Variants in MATN2 observed in about 807,000 individuals in gnomAD.
MATN2 encodes the protein matrilin 2.
A neutral mutation model predicts 103.2 loss-of-function variants in MATN2; 69 were observed. The observed-to-expected ratio is 0.67, with a 90% CI of 0.55 to 0.82. The LOEUF (loss-of-function observed/expected upper bound fraction) is 0.82, where lower values mean the gene tolerates loss of function less well. Among genes scored for constraint, MATN2 ranks in the 40% least tolerant of loss-of-function variants. The pLI, the probability that MATN2 is intolerant of heterozygous loss-of-function variation, is 0.00. For missense variants in MATN2, 1,023 were observed against 1,211.5 expected (o/e 0.84, Z 2.31); for synonymous variants, 429 against 450.2 (o/e 0.95, Z 0.60).
chr8:97,937,514 A>G (rs1014905498), intron 3 of MATN2, among the ~76,000 whole-genome samples: 1 of 151,722 alleles, frequency 6.6e-6, no homozygotes, highest in Non-Finnish European at 1.5e-5. Flanking sequence ...TGGCCAAAAT[A>G]AGCCTTAGTA....
intron 1 of MATN2, among the ~76,000 whole-genome samples, chr8:97,875,690 GTTTTTTTT>G (rs763539274): frequency 1.2e-5 from 1 of 82,034 alleles, no homozygotes; most frequent in African/African-American, 5.4e-5. Flanking sequence ...GTATTTGCCT[GTTTTTTTT>G]TTTTTTTTTT....
chr8:97,935,632 G>A (rs1810347413), intron 3 of MATN2, among the ~76,000 whole-genome samples: 1 of 152,116 alleles, frequency 6.6e-6, no homozygotes, highest in African/African-American at 2.4e-5. Flanking sequence ...GACTACAGGT[G>A]TGCGCCGCCA....
intron 3 of MATN2, among the ~76,000 whole-genome samples, chr8:97,933,780 T>TCACTG (rs1177986638): frequency 6.6e-6 from 1 of 152,130 alleles, no homozygotes; most frequent in East Asian, 1.9e-4. Context: ...CTGCTGTCTC[T>TCACTG]CACTGCACTG....
chr8:97,913,081 C>T (rs935656957), intron 2 of MATN2, among the ~76,000 whole-genome samples: 3 of 152,106 alleles, frequency 2.0e-5, no homozygotes, highest in Non-Finnish European at 4.4e-5. Context: ...GTCTGGCTGC[C>T]GCAACTAACT....
chr8:97,885,493 A>C (rs990042989), intron 1 of MATN2, among the ~76,000 whole-genome samples: 3 of 152,056 alleles, frequency 2.0e-5, no homozygotes, highest in Non-Finnish European at 4.4e-5. Flanking sequence ...ACTAACAAAA[A>C]CCCTGAGATG....
intron 13 of MATN2, among the ~76,000 whole-genome samples, chr8:98,026,255 T>G (rs1008578440): frequency 4.1e-5 from 6 of 145,130 alleles, no homozygotes; most frequent in African/African-American, 1.5e-4. Context: ...TTTTTAATTT[T>G]GTTTTTTTTT....
intron 10 of MATN2, among the ~76,000 whole-genome samples, chr8:98,008,512 T>C (rs1195566829): frequency 1.3e-5 from 2 of 152,214 alleles, no homozygotes; most frequent in Non-Finnish European, 2.9e-5. Flanking sequence ...TCTAGGCAGA[T>C]GAGCTGGCTG....
At chr8:97,908,099 T>C (rs773855975) in intron 2 of MATN2, among the ~76,000 whole-genome samples, 3 of 152,188 alleles carry the variant, frequency 2.0e-5, no homozygotes, top group Non-Finnish European at 4.4e-5. Context: ...CTGTAATCAC[T>C]GTGCCTGCTC....
At chr8:97,987,011 T>TG (rs578059235) in intron 6 of MATN2, among the ~76,000 whole-genome samples, 68 of 151,948 alleles carry the variant, frequency 4.5e-4, no homozygotes, top group African/African-American at 1.6e-3. Context: ...TTTTTTTTTT[T>TG]TTTGTATTTT....
intron 5 of MATN2, among the ~76,000 whole-genome samples, chr8:97,977,782 A>T (rs1170839524): frequency 6.6e-6 from 1 of 151,904 alleles, no homozygotes; most frequent in Non-Finnish European, 1.5e-5. Context: ...CTCTTTGCTG[A>T]TCCTCCAGCC....
intron 5 of MATN2, among the ~76,000 whole-genome samples, chr8:97,977,246 A>AG (rs1379563195): frequency 1.8e-4 from 27 of 148,790 alleles, no homozygotes; most frequent in African/African-American, 6.3e-4. Context: ...AAAAAAAAAA[A>AG]AAAAAAAAAA....
Position 97,931,238 on chromosome 8 carries a change from C to T in MATN2, c.428C>T (p.Ala143Val). 1 of 1,613,864 alleles carries T rather than the reference C, an allele frequency of 6.2e-7. No homozygotes were observed. The highest frequency in any genetic ancestry group is 8.5e-7 in the Non-Finnish European group (1 of 1,179,850). Reference sequence around the variant, plus strand: ...ATGACTGGGCTGGCCATCCAGTATGCCCTGAACATCGCATTCTCAGAAGCA... The same window carrying T: ...ATGACTGGGCTGGCCATCCAGTATGTCCTGAACATCGCATTCTCAGAAGCA... ...GTMTGLAIQY[A>V]LNIAFSEAEG... The change falls in exon 3 of 19, where the codon GCC becomes GTC. Residue 143 changes from alanine to valine, a missense_variant. By Grantham distance (64) the Ala-to-Val change is moderately conservative (BLOSUM62 0). Coordinates refer to ENST00000254898, the MANE Select transcript of MATN2 (RefSeq NM_002380.5). The surrounding 1 kb of genome is among the most constrained non-coding windows in gnomAD (Gnocchi z 4.1).
chr8:97,911,871 T>TAAC (rs1809453843), intron 2 of MATN2, among the ~76,000 whole-genome samples: 2 of 152,228 alleles, frequency 1.3e-5, no homozygotes, highest in Admixed American at 1.3e-4. Flanking sequence ...GGAATAATAA[T>TAAC]AACAACAATA....
intron 2 of MATN2, among the ~76,000 whole-genome samples, chr8:97,914,015 T>C (rs1316094445): frequency 6.6e-6 from 1 of 152,202 alleles, no homozygotes; most frequent in Admixed American, 6.5e-5. Context: ...AACTATTTGC[T>C]CCACCATCTG....
intron 1 of MATN2, among the ~76,000 whole-genome samples, chr8:97,879,812 C>T (rs1413848146): frequency 3.3e-5 from 5 of 152,166 alleles, no homozygotes; most frequent in Admixed American, 1.3e-4. Flanking sequence ...GTCAACATCG[C>T]GGAGAACTGA....
chr8:97,970,591 G>C (rs973200126), intron 5 of MATN2, among the ~76,000 whole-genome samples: 3 of 152,202 alleles, frequency 2.0e-5, no homozygotes, highest in African/African-American at 7.2e-5. Context: ...GAAGGCTTCA[G>C]TCAGGTGCCA....
chr8:97,940,467 C>T (rs1810516305), intron 3 of MATN2, among the ~76,000 whole-genome samples: 1 of 152,126 alleles, frequency 6.6e-6, no homozygotes, highest in Non-Finnish European at 1.5e-5. Context: ...CAGAACAGTA[C>T]ATTCTAAATT....
intron 4 of MATN2, among the ~76,000 whole-genome samples, chr8:97,946,263 A>G (rs1375389184): frequency 1.3e-5 from 2 of 152,200 alleles, no homozygotes; most frequent in Non-Finnish European, 2.9e-5. Context: ...CAAATGCATT[A>G]AAGAATTTTA....
intron 4 of MATN2, among the ~76,000 whole-genome samples, chr8:97,960,707 A>C (rs894716073): frequency 6.6e-6 from 1 of 152,200 alleles, no homozygotes; most frequent in South Asian, 2.1e-4. Context: ...GTTTTCAAAG[A>C]GCTTTGTCTC....
Sources: allele counts gnomAD v4.1 joint callset (sites outside exome capture counted in the v4.1 genomes callset), GRCh38; gene constraint gnomAD v4.1.1; non-coding constraint Gnocchi (gnomAD v3.1); transcripts MANE v1.5; gene names NCBI Gene and HGNC (gene_info 2026-07-23, HGNC 2026-07-21).